LRP1B: variants seen among roughly 807,000 people sequenced by gnomAD.
The protein encoded by LRP1B is LDL receptor related protein 1B.
In LRP1B, 217 loss-of-function variants were observed where a neutral mutation model predicts 556.6. That is an observed-to-expected ratio of 0.39 (90% CI 0.35 to 0.44). The LOEUF is 0.44. LRP1B is among the 20% of genes least tolerant of loss of function. The pLI, the probability that LRP1B is intolerant of heterozygous loss-of-function variation, is 1.00. For synonymous variants in LRP1B, 2,047 were observed against 1,865.8 expected (o/e 1.10, Z -2.50); for missense variants, 5,053 against 5,620.8 (o/e 0.90, Z 3.23).
chr2:140,981,956 G>T (rs1696782502), intron 18 of LRP1B, among the ~76,000 whole-genome samples: 1 of 152,092 alleles, frequency 6.6e-6, no homozygotes, highest in Non-Finnish European at 1.5e-5. Flanking sequence ...TGAGAATATT[G>T]TTTCTGCCTC....
rs78261627 is a variant in LRP1B, at chr2:140,239,054, A to C, written c.13415+388T>G. On this transcript the variant is annotated intron_variant, in intron 88 of 90. Transcript: ENST00000389484. ...TGCACTATTTGTGAAAGAAATGTAC[A>C]AATTGGAGATGTATATATGCATATC... Among the ~76,000 whole-genome samples, 638 of 151,028 alleles carry C rather than the reference A, an allele frequency of 4.2e-3. 5 individuals are homozygous for C. Among genetic ancestry groups the C allele is most frequent in the African/African-American group, 0.015 (615 of 41,402 alleles).
At chr2:141,194,649 G>A (rs1398977669) in intron 6 of LRP1B, among the ~76,000 whole-genome samples, 1 of 152,072 alleles carries the variant, frequency 6.6e-6, no homozygotes, top group Non-Finnish European at 1.5e-5. Flanking sequence ...CTAGTGTGAT[G>A]ACACCACAGC....
intron 7 of LRP1B, among the ~76,000 whole-genome samples, chr2:141,177,479 T>C (rs16845573): frequency 0.06 from 9,137 of 152,170 alleles, 359 homozygotes; most frequent in African/African-American, 0.11. Context: ...AATATTTGGT[T>C]AAAAAATCTT....
intron 3 of LRP1B, among the ~76,000 whole-genome samples, chr2:141,409,234 T>A (rs1690758797): frequency 6.6e-6 from 1 of 152,212 alleles, no homozygotes; most frequent in South Asian, 2.1e-4. Context: ...ATAAAATATA[T>A]GTTTATTCGG....
At chr2:141,218,492 T>C (rs1020523974) in intron 6 of LRP1B, among the ~76,000 whole-genome samples, 2 of 152,176 alleles carry the variant, frequency 1.3e-5, no homozygotes, top group African/African-American at 4.8e-5. Context: ...GCGACATGTA[T>C]GCAGCTGGAA....
At chr2:140,358,789 T>A (rs747541265) in intron 73 of LRP1B, 32 bp downstream of exon 73, 1 of 1,601,916 alleles carries the variant, frequency 6.2e-7, no homozygotes, top group Non-Finnish European at 8.5e-7. Context: ...CTCATAGCCA[T>A]CACTGAATTA....
At chr2:141,543,149 A>G (rs17552442) in intron 2 of LRP1B, among the ~76,000 whole-genome samples, 11,364 of 152,152 alleles carry the variant, frequency 0.075, 530 homozygotes, top group South Asian at 0.13. Context: ...CTTGGAGAGG[A>G]ATCTGTGTAG....
intron 2 of LRP1B, among the ~76,000 whole-genome samples, chr2:141,575,211 T>C (rs777567061): frequency 6.6e-6 from 1 of 152,112 alleles, no homozygotes; most frequent in Admixed American, 6.6e-5. Flanking sequence ...CTGCAAACTA[T>C]ACTACAAGGC....
intron 35 of LRP1B, among the ~76,000 whole-genome samples, chr2:140,720,032 T>G (rs1021434914): frequency 2.6e-5 from 4 of 152,016 alleles, no homozygotes; most frequent in African/African-American, 7.2e-5. Context: ...GAGGATAACA[T>G]TTTACAACAA....
chr2:141,799,959 CA>C, intron 2 of LRP1B, among the ~76,000 whole-genome samples: 1 of 152,172 alleles, frequency 6.6e-6, no homozygotes, highest in East Asian at 1.9e-4. Flanking sequence ...TTTATTACCA[CA>C]GTAACATATA....
chr2:140,865,343 T>C (rs778008167), intron 27 of LRP1B, among the ~76,000 whole-genome samples: 2 of 152,044 alleles, frequency 1.3e-5, no homozygotes, highest in Non-Finnish European at 2.9e-5. Flanking sequence ...TTCAATTTTA[T>C]AGTACTGAAT....
At chr2:140,263,293 C>A (rs1558934730) in intron 86 of LRP1B, among the ~76,000 whole-genome samples, 4 of 152,074 alleles carry the variant, frequency 2.6e-5, no homozygotes, top group Non-Finnish European at 5.9e-5. Flanking sequence ...CATCAAAAAT[C>A]CAGCAGTCTT....
rs202094308 is a variant in LRP1B at position 141,407,852 on chromosome 2, G to A, written c.343+72544C>T. On this transcript the variant is annotated intron_variant, in intron 3 of 90. Coordinates refer to ENST00000389484, the MANE Select transcript of LRP1B (RefSeq NM_018557.3). ...AACCTAATATATAAACACTAAAGTT[G>A]TTCCCACTTAATATCCAGAGAAACT... Among the ~76,000 whole-genome samples, 11 of 152,212 alleles carry A rather than the reference G, an allele frequency of 7.2e-5. No individual in the cohort carries two copies. In the East Asian group the frequency reaches 1.9e-3, roughly 27 times the overall value.
At chr2:140,801,957 G>A (rs1690529513) in intron 32 of LRP1B, among the ~76,000 whole-genome samples, 1 of 152,052 alleles carries the variant, frequency 6.6e-6, no homozygotes, top group South Asian at 2.1e-4. Flanking sequence ...CAAACAAAAA[G>A]ACAGGGCTAT....
At chr2:141,527,938 C>T (rs1416788718) in intron 2 of LRP1B, among the ~76,000 whole-genome samples, 1 of 152,032 alleles carries the variant, frequency 6.6e-6, no homozygotes, top group East Asian at 1.9e-4. Flanking sequence ...ACGCCTCCTA[C>T]ATGTTTTCCT....
intron 3 of LRP1B, among the ~76,000 whole-genome samples, chr2:141,354,267 C>T (rs1688544897): frequency 6.6e-6 from 1 of 151,916 alleles, no homozygotes; most frequent in Non-Finnish European, 1.5e-5. Context: ...AGAGTATGTC[C>T]AGGAGACCTT....
rs375190223 is a variant in LRP1B, at chr2:140,442,517, G to A, written c.10401C>T (p.Asp3467=). The change falls in exon 66 of 91, where the codon GAC becomes GAT. Residue 3467 remains aspartate, a synonymous_variant. Transcript: ENST00000389484. ...ACAGACACTCACCGCAGTTGGCCTC[G>A]TCTGATGCATCTGCACAGTCTGGAT... ...DEDPDCADAS[D]EANCDKKTCG... The A allele has an allele frequency of 1.1e-4, 184 of 1,613,082 alleles. 1 individual carries two copies. Among genetic ancestry groups the A allele is most frequent in the Admixed American group, 8.5e-4 (51 of 59,860 alleles).
intron 83 of LRP1B, among the ~76,000 whole-genome samples, chr2:140,312,478 T>G (rs1223058903): frequency 6.6e-6 from 1 of 151,918 alleles, no homozygotes; most frequent in Non-Finnish European, 1.5e-5. Context: ...GAATAAATGT[T>G]CATAAAAGTA....
chr2:141,938,344 A>T (rs1019195705), intron 1 of LRP1B, among the ~76,000 whole-genome samples: 1 of 152,190 alleles, frequency 6.6e-6, no homozygotes, highest in Admixed American at 6.5e-5. Context: ...CAACAGTTAT[A>T]TGAAAATGTG....
Sources: gnomAD v4.1 joint callset for allele counts (sites outside exome capture counted in the v4.1 genomes callset) on GRCh38, gnomAD v4.1.1 for gene constraint, MANE v1.5 for transcripts, NCBI Gene and HGNC (gene_info 2026-07-23, HGNC 2026-07-21) for gene names.